Variants in NAV3 observed in about 807,000 individuals in gnomAD.
NAV3 encodes the protein neuron navigator 3, also known as pore membrane and/or filament interacting like protein 1.
A neutral mutation model predicts 244.7 loss-of-function variants in NAV3; 87 were observed. The observed-to-expected ratio is 0.36, with a 90% CI of 0.30 to 0.42. The LOEUF (loss-of-function observed/expected upper bound fraction) is 0.42, where lower values mean the gene tolerates loss of function less well. NAV3 is among the 20% of genes least tolerant of loss of function. The probability of loss-of-function intolerance (pLI) is 1.00; values close to 1 mark genes in which losing one functional copy is unlikely to be tolerated. For synonymous variants in NAV3, 1,126 were observed against 1,042.2 expected, an observed-to-expected ratio of 1.08 and a Z score of -1.55; for missense variants, 2,663 against 2,893.3, an observed-to-expected ratio of 0.92 and a Z score of 1.83.
chr12:78,138,975 C>T (rs541136948), intron 19 of NAV3, among the ~76,000 whole-genome samples: 1 of 152,270 alleles, frequency 6.6e-6, no homozygotes, highest in East Asian at 1.9e-4. Flanking sequence ...GACTGAGCCA[C>T]ATGTTCTAAG....
At chr12:77,788,624 TA>T (rs34807911) in intron 2 of NAV3, among the ~76,000 whole-genome samples, 6 of 150,956 alleles carry the variant, frequency 4.0e-5, no homozygotes, top group African/African-American at 1.2e-4. Context: ...TTTTTTTTTC[TA>T]AAAAAAGACT....
At chr12:77,856,980 A>G (rs79216281) in intron 1 of NAV3, among the ~76,000 whole-genome samples, 7,993 of 152,214 alleles carry the variant, frequency 0.053, 315 homozygotes, top group South Asian at 0.19. Context: ...ATCTAAAACT[A>G]TTTTATGGCT....
intron 9 of NAV3, among the ~76,000 whole-genome samples, chr12:78,031,758 A>C (rs1468340092): frequency 2.6e-5 from 3 of 117,366 alleles, no homozygotes; most frequent in Non-Finnish European, 5.2e-5. Flanking sequence ...GGGGGGAGGG[A>C]TAGCAATGGG....
chr12:77,952,068 T>TAAA (rs35164374), intron 3 of NAV3, among the ~76,000 whole-genome samples: 3 of 140,044 alleles, frequency 2.1e-5, no homozygotes, highest in African/African-American at 2.6e-5. Context: ...AAAGTATAAT[T>TAAA]AAAAAAAAAA....
chr12:77,997,237 CAAAAAAAAAAAA>C (rs139557569), intron 6 of NAV3, among the ~76,000 whole-genome samples: 4 of 78,732 alleles, frequency 5.1e-5, no homozygotes, highest in African/African-American at 9.6e-5. Context: ...CACCCTGTCT[CAAAAAAAAAAAA>C]AAAAAAAAAA....
intron 2 of NAV3, among the ~76,000 whole-genome samples, chr12:77,793,066 C>T (rs1477305666): frequency 6.6e-6 from 1 of 152,076 alleles, no homozygotes; most frequent in African/African-American, 2.4e-5. Context: ...CAAATTTCTC[C>T]CACCCACACA....
chr12:78,210,308 G>T, intron 39 of NAV3, 90 bp from the exon 40 acceptor site: 9 of 1,566,744 alleles, frequency 5.7e-6, no homozygotes, highest in Non-Finnish European at 6.9e-6. Flanking sequence ...GGATAAGATA[G>T]CTCTTCGGTG....
At chr12:78,023,785 C>T (rs890116166) in intron 9 of NAV3, among the ~76,000 whole-genome samples, 2 of 152,162 alleles carry the variant, frequency 1.3e-5, no homozygotes, top group African/African-American at 4.8e-5. Context: ...TACATATCTT[C>T]ATCATTTTAA....
chr12:77,609,993 T>C (rs1870841614), intron 2 of NAV3, among the ~76,000 whole-genome samples: 1 of 152,066 alleles, frequency 6.6e-6, no homozygotes, highest in Non-Finnish European at 1.5e-5. Flanking sequence ...ATATACATTT[T>C]TGAATGAACG....
At chr12:78,059,492 T>A (rs1884005299) in intron 12 of NAV3, among the ~76,000 whole-genome samples, 1 of 152,122 alleles carries the variant, frequency 6.6e-6, no homozygotes, top group African/African-American at 2.4e-5. Flanking sequence ...TTTTACCATG[T>A]TGGTCAGGAT....
intron 1 of NAV3, among the ~76,000 whole-genome samples, chr12:77,923,090 A>AATTTCCCT (rs1331528645): frequency 6.6e-6 from 1 of 151,976 alleles, no homozygotes; most frequent in Non-Finnish European, 1.5e-5. Flanking sequence ...TGATAATAAC[A>AATTTCCCT]ATTTCCCTAT....
chr12:78,184,187 G>A, intron 30 of NAV3, among the ~76,000 whole-genome samples: 1 of 151,670 alleles, frequency 6.6e-6, no homozygotes, highest in East Asian at 1.9e-4. Context: ...TCTCATCTTG[G>A]TATTCATTCC....
At chr12:78,057,634 G>A (rs1324104943) in intron 11 of NAV3, among the ~76,000 whole-genome samples, 1 of 152,180 alleles carries the variant, frequency 6.6e-6, no homozygotes, top group Non-Finnish European at 1.5e-5. Context: ...AGACAATGCT[G>A]TATGCATGTT....
In NAV3 at chr12:77,852,966, A is replaced by T. The variant is rs147548499; in HGVS notation, c.243+21262A>T. Among the ~76,000 whole-genome samples the T allele has an allele frequency of 5.0e-4, 76 of 152,330 alleles. 1 individual carries two copies. In the South Asian group the frequency reaches 6.4e-3, roughly 13 times the overall value. ...CCTGCACATGTCTTTTTGCGAACAT[A>T]AGAAGCGATGTCTGTTGGGTAGATC... On this transcript the variant is annotated intron_variant, in intron 1 of 39. Transcript: ENST00000397909.
At chr12:77,807,805 G>T (rs754845968) in intron 2 of NAV3, among the ~76,000 whole-genome samples, 1 of 152,186 alleles carries the variant, frequency 6.6e-6, no homozygotes, top group East Asian at 1.9e-4. Flanking sequence ...TCACTTTCAC[G>T]TACACCAATC....
At chr12:78,045,764 G>A (rs1392992030) in intron 9 of NAV3, among the ~76,000 whole-genome samples, 2 of 152,156 alleles carry the variant, frequency 1.3e-5, no homozygotes, top group Non-Finnish European at 2.9e-5. Context: ...TTAGGGAGGT[G>A]TCCCTCTTTT....
intron 12 of NAV3, among the ~76,000 whole-genome samples, chr12:78,095,437 G>A (rs1278802805): frequency 6.6e-6 from 1 of 152,158 alleles, no homozygotes; most frequent in East Asian, 1.9e-4. Context: ...ACTTGAAGAA[G>A]TACAGAGTGG....
At chr12:77,614,511 G>A (rs769459030) in intron 2 of NAV3, among the ~76,000 whole-genome samples, 19 of 151,920 alleles carry the variant, frequency 1.3e-4, no homozygotes, top group Non-Finnish European at 8.8e-5. Flanking sequence ...ATTTTAAATC[G>A]TTTATTCTTT....
At chr12:78,057,460 G>A (rs1883680867) in intron 11 of NAV3, among the ~76,000 whole-genome samples, 1 of 152,190 alleles carries the variant, frequency 6.6e-6, no homozygotes, top group African/African-American at 2.4e-5. Context: ...AGTTACTTGA[G>A]CTGTGTTAAA....
Sources: gnomAD v4.1 joint callset for allele counts (sites outside exome capture counted in the v4.1 genomes callset) on GRCh38, gnomAD v4.1.1 for gene constraint, MANE v1.5 for transcripts, NCBI Gene and HGNC (gene_info 2026-07-23, HGNC 2026-07-21) for gene names.